The following TRPM3 variants were observed in gnomAD, a reference collection of about 807,000 sequenced individuals.
TRPM3 encodes the protein long transient receptor potential channel 3.
TRPM3 carries 77 observed loss-of-function variants against 181.2 expected under a neutral mutation model. The observed-to-expected ratio is 0.42, with a 90% confidence interval of 0.35 to 0.51. The LOEUF (loss-of-function observed/expected upper bound fraction) is 0.51, where lower values mean the gene tolerates loss of function less well. Among genes scored for constraint, TRPM3 ranks in the 20% least tolerant of loss-of-function variants. The probability of loss-of-function intolerance (pLI) is 0.01; values close to 1 mark genes in which losing one functional copy is unlikely to be tolerated. For synonymous variants in TRPM3, 745 were observed against 796.4 expected, an observed-to-expected ratio of 0.94 and a Z score of 1.09; for missense variants, 1,759 against 2,196.7, an observed-to-expected ratio of 0.80 and a Z score of 3.98.
rs901924888 is a variant in TRPM3 at position 70,531,622 on chromosome 9, A to AT, written c.*4330_*4331insA. The AT allele has an allele frequency of 3.3e-5, 5 of 152,368 alleles. No homozygotes were observed. Among genetic ancestry groups the AT allele is most frequent in the Admixed American group, 3.3e-4 (5 of 15,298 alleles). The allele number at this position is 152,368 out of a possible 1,614,324, so 9.4% of individuals were successfully genotyped here. The stretch of plus-strand genomic sequence containing the variant: ...CCTACACACTAGTATCACTTTATCT[A>AT]GAAACAACATAGTGTTACTAAATGA... On this transcript the variant is annotated 3_prime_UTR_variant, in exon 26 of 26. Coordinates refer to ENST00000677713, the MANE Select transcript of TRPM3 (RefSeq NM_001366145.2).
chr9:71,186,021 CTGG>C (rs1359218282), intron 1 of TRPM3, among the ~76,000 whole-genome samples: 2 of 152,020 alleles, frequency 1.3e-5, no homozygotes, highest in African/African-American at 4.8e-5. Flanking sequence ...TTCCTAGCAT[CTGG>C]TGGTTTGCTG....
rs1441305518 is a variant in TRPM3, at chr9:70,700,491, C to T, written c.1273-18913G>A. Among the ~76,000 whole-genome samples the T allele has an allele frequency of 2.6e-5, 4 of 152,138 alleles. No individual in the cohort carries two copies. The East Asian group carries it at 7.7e-4, about 29-fold the overall frequency. On this transcript the variant is annotated intron_variant, in intron 8 of 25. Transcript: ENST00000677713. ...TCAGAATTAGAGTCTCTACTGCCCC[C>T]CTGCCCTGGAAACCTTGCTTTTGTT...
intron 1 of TRPM3, among the ~76,000 whole-genome samples, chr9:71,269,077 C>G (rs1212894931): frequency 6.6e-6 from 1 of 152,120 alleles, no homozygotes; most frequent in Non-Finnish European, 1.5e-5. Flanking sequence ...AACCAAGATA[C>G]AGTTTTTGAA....
In TRPM3 at chr9:70,534,665, T is replaced by C. The variant is rs552373512; in HGVS notation, c.*1288A>G. 82 of 152,330 alleles carry C rather than the reference T, an allele frequency of 5.4e-4. No individual in the cohort carries two copies. The highest frequency in any genetic ancestry group is 1.9e-3 in the African/African-American group (81 of 41,572). The allele number at this position is 152,330 out of a possible 1,614,324, so 9.4% of individuals were successfully genotyped here. On this transcript the variant is annotated 3_prime_UTR_variant, in exon 26 of 26. Coordinates refer to ENST00000677713, the MANE Select transcript of TRPM3 (RefSeq NM_001366145.2). Reference sequence around the variant, plus strand: ...CATGGTATGCTTGCAACTGATGGCTTTGGGTTGATACCAAACTCCCAGTCA... The same window carrying C: ...CATGGTATGCTTGCAACTGATGGCTCTGGGTTGATACCAAACTCCCAGTCA...
intron 1 of TRPM3, among the ~76,000 whole-genome samples, chr9:71,420,611 AAG>A (rs1333547257): frequency 6.7e-6 from 1 of 149,610 alleles, no homozygotes; most frequent in African/African-American, 2.5e-5. Flanking sequence ...AAGAGAAAGA[AAG>A]AAAGACAGAA....
At chr9:70,853,842 C>G (rs2095311670) in intron 3 of TRPM3, among the ~76,000 whole-genome samples, 1 of 152,090 alleles carries the variant, frequency 6.6e-6, no homozygotes, top group African/African-American at 2.4e-5. Context: ...TAATTTGGTA[C>G]TTTTTTCATG....
intron 1 of TRPM3, among the ~76,000 whole-genome samples, chr9:71,308,563 C>T (rs2087607019): frequency 6.6e-6 from 1 of 152,136 alleles, no homozygotes; most frequent in Admixed American, 6.6e-5. Context: ...AGAACCTAAT[C>T]ATTTTCTTTT....
chr9:71,282,854 A>T (rs1211034484), intron 1 of TRPM3, among the ~76,000 whole-genome samples: 1 of 152,108 alleles, frequency 6.6e-6, no homozygotes, highest in African/African-American at 2.4e-5. Flanking sequence ...TGTGTATGCT[A>T]CCAGCTTTAC....
At chr9:70,740,524 C>T (rs1162536236) in intron 8 of TRPM3, among the ~76,000 whole-genome samples, 2 of 152,110 alleles carry the variant, frequency 1.3e-5, no homozygotes, top group Non-Finnish European at 2.9e-5. Flanking sequence ...ATAGCCAAGG[C>T]AAGACTAAGC....
intron 22 of TRPM3, among the ~76,000 whole-genome samples, chr9:70,557,685 T>G (rs2131943436): frequency 6.6e-6 from 1 of 152,162 alleles, no homozygotes; most frequent in Admixed American, 6.5e-5. Context: ...GGCACATGGG[T>G]GGATGTTTAG....
intron 1 of TRPM3, among the ~76,000 whole-genome samples, chr9:70,882,800 G>A (rs1385836030): frequency 6.6e-6 from 1 of 152,084 alleles, no homozygotes; most frequent in African/African-American, 2.4e-5. Context: ...TTGAGGTAGT[G>A]CACCTTGAAA....
chr9:71,256,993 A>G (rs1039624815), intron 1 of TRPM3, among the ~76,000 whole-genome samples: 4 of 152,256 alleles, frequency 2.6e-5, no homozygotes, highest in Non-Finnish European at 4.4e-5. Flanking sequence ...GATAAATCTT[A>G]CAACGAAGAA....
At chr9:70,553,130 C>T in intron 23 of TRPM3, 30 bp downstream of exon 23, 2 of 1,614,048 alleles carry the variant, frequency 1.2e-6, no homozygotes, top group South Asian at 1.1e-5. Context: ...TGTCCTCATC[C>T]ATCCCACGTG....
chr9:70,963,992 G>A (rs532249073), intron 1 of TRPM3, among the ~76,000 whole-genome samples: 20 of 152,056 alleles, frequency 1.3e-4, no homozygotes, highest in African/African-American at 4.8e-4. Flanking sequence ...TGGCTAGGGA[G>A]GTTTCTAACC....
At chr9:70,912,808 C>G (rs2096551814) in intron 1 of TRPM3, among the ~76,000 whole-genome samples, 1 of 152,194 alleles carries the variant, frequency 6.6e-6, no homozygotes, top group South Asian at 2.1e-4. Flanking sequence ...CTCTCTTTCT[C>G]TCTCTCACCA....
intron 1 of TRPM3, among the ~76,000 whole-genome samples, chr9:71,044,897 T>C (rs933870007): frequency 6.6e-6 from 1 of 152,048 alleles, no homozygotes; most frequent in African/African-American, 2.4e-5. Flanking sequence ...GATCTCGATC[T>C]CCTGACCTCG....
At chr9:70,580,643 T>A (rs1457824033) in intron 22 of TRPM3, among the ~76,000 whole-genome samples, 1 of 152,240 alleles carries the variant, frequency 6.6e-6, no homozygotes, top group Non-Finnish European at 1.5e-5. Flanking sequence ...AGGCATGCTC[T>A]GTCATGCCTC....
At chr9:70,776,283 A>T in intron 7 of TRPM3, 1 of 560,222 alleles carries the variant, frequency 1.8e-6, no homozygotes, top group South Asian at 2.5e-5. Context: ...AGGACTCTTT[A>T]AAGGCTGTTC....
chr9:70,975,341 A>C (rs2097292424), intron 1 of TRPM3, among the ~76,000 whole-genome samples: 1 of 152,228 alleles, frequency 6.6e-6, no homozygotes, highest in South Asian at 2.1e-4. Context: ...CTTGTACCAC[A>C]GCCATTTCAA....
Sources: allele counts gnomAD v4.1 joint callset (sites outside exome capture counted in the v4.1 genomes callset), GRCh38; gene constraint gnomAD v4.1.1; transcripts MANE v1.5; gene names NCBI Gene and HGNC (gene_info 2026-07-23, HGNC 2026-07-21).